The following CFAP97D1 variants were observed in gnomAD, a reference collection of about 807,000 sequenced individuals.
CFAP97D1 encodes sperm axonemal maintenance protein CFAP97D1.
In CFAP97D1, 15 loss-of-function variants were observed where a neutral mutation model predicts 20.5. That is an observed-to-expected ratio of 0.73 (90% confidence interval 0.49 to 1.13). The LOEUF (loss-of-function observed/expected upper bound fraction) is 1.13. Among genes scored for constraint, CFAP97D1 ranks in the 50% most tolerant of loss-of-function variants. The pLI is 0.00. For missense variants in CFAP97D1, 168 were observed against 202.9 expected (o/e 0.83, Z 1.04); for synonymous variants, 58 against 71.2 (o/e 0.82, Z 0.93).
At chr17:43,781,378 C>G (rs972847343) in intron 2 of CFAP97D1, among the ~76,000 whole-genome samples, 189 bp downstream of exon 2, 4 of 149,840 alleles carry the variant, frequency 2.7e-5, no homozygotes, top group Non-Finnish European at 5.9e-5. Flanking sequence ...GCTCTGTTGC[C>G]TAGGCTGGAG....
At position 43,787,088 on chromosome 17, in the gene CFAP97D1, T is replaced by A. The variant is rs1388565690; in HGVS notation, c.*2706T>A. ...TTCAAGCGATTCTCCTGCCTCAGCC[T>A]CCTGAGTAGCTGGGATTACAAGCAT... On this transcript the variant is annotated 3_prime_UTR_variant, in exon 6 of 6. Transcript: ENST00000449302. 1 of 152,176 alleles carries A rather than the reference T, an allele frequency of 6.6e-6. No homozygotes were observed. Among genetic ancestry groups the A allele is most frequent in the Non-Finnish European group, 1.5e-5 (1 of 68,064 alleles). The allele number at this position is 152,176 out of a possible 1,614,324, so 9.4% of individuals were successfully genotyped here.
intron 5 of CFAP97D1, 32 bp downstream of exon 5, chr17:43,783,925 C>T (rs1425508553): frequency 6.6e-7 from 1 of 1,504,888 alleles, no homozygotes; most frequent in Non-Finnish European, 9.0e-7. Flanking sequence ...ACACTGTGAC[C>T]ACAGCTGATA....
rs928922292 is a variant in CFAP97D1 at position 43,786,591 on chromosome 17, G to A, written c.*2209G>A. ...TGTACATATATGTATAGCTCTATGC[G>A]GTTTTTGCCACATGTATAGCTTTGT... On this transcript the variant is annotated 3_prime_UTR_variant, in exon 6 of 6. Transcript: ENST00000449302. 5.3e-5 allele frequency: 8 copies of A among 151,890 alleles called. No individual in the cohort carries two copies. The highest frequency in any genetic ancestry group is 3.9e-4 in the East Asian group (2 of 5,192). 9.4% of individuals were successfully genotyped at this position (151,890 alleles called of 1,614,324 possible). A position where few individuals can be genotyped will look rare whatever the true frequency, so the allele number is the denominator to read the frequency against.
intron 4 of CFAP97D1, among the ~76,000 whole-genome samples, chr17:43,783,516 G>A (rs1384494203): frequency 6.6e-6 from 1 of 151,158 alleles, no homozygotes; most frequent in Non-Finnish European, 1.5e-5. Flanking sequence ...GCCATTATGT[G>A]TCAGTTTCAT....
chr17:43,787,380 C>T lies in CFAP97D1; in HGVS notation c.*2998C>T, dbSNP rs1300178945. On this transcript the variant is annotated 3_prime_UTR_variant, in exon 6 of 6. Transcript: ENST00000449302. The stretch of plus-strand genomic sequence containing the variant: ...CCCAGTCTATAATTTGTCTTTTCAT[C>T]CTCAGGGTCTTTGACAGAGTAAAAT... The T allele has an allele frequency of 6.6e-6, 1 of 152,188 alleles. No individual in the cohort carries two copies. Among genetic ancestry groups the T allele is most frequent in the African/African-American group, 2.4e-5 (1 of 41,436 alleles). The allele number at this position is 152,188 out of a possible 1,614,324, so 9.4% of individuals were successfully genotyped here.
intron 5 of CFAP97D1, among the ~76,000 whole-genome samples, 164 bp from the exon 6 acceptor site, chr17:43,784,219 T>A (rs2044274743): frequency 1.3e-5 from 2 of 152,228 alleles, no homozygotes; most frequent in African/African-American, 4.8e-5. Context: ...CTGTCAGTAT[T>A]CAAAAGTACC....
At position 43,783,250 on chromosome 17, in the gene CFAP97D1, C is replaced by G; in HGVS notation, c.385C>G (p.Leu129Val). ...GGAAAACCAGGGCATTCTGAAGAGG[C>G]TTGTTGATCGCAAACCCCACTATGA... ...TMENQGILKR[L>V]VDRKPHYDRR... The change falls in exon 4 of 6, where the codon CTT becomes GTT. Residue 129 changes from leucine (L) to valine (V), a missense_variant. Transcript: ENST00000449302. 1 of 1,551,454 alleles carries G rather than the reference C, an allele frequency of 6.4e-7. No homozygotes were observed. Among genetic ancestry groups the G allele is most frequent in the Non-Finnish European group, 8.7e-7 (1 of 1,146,850 alleles).
At chr17:43,781,019 A>G (rs1974466970) in intron 1 of CFAP97D1, 100 bp from the exon 2 acceptor site, 3 of 866,666 alleles carry the variant, frequency 3.5e-6, no homozygotes, top group Admixed American at 5.2e-5. Context: ...CTAATTCGAA[A>G]TTGTTCATTA....
At chr17:43,783,053 G>T in intron 3 of CFAP97D1, 127 bp from the exon 4 acceptor site, 1 of 1,184,772 alleles carries the variant, frequency 8.4e-7, no homozygotes, top group Non-Finnish European at 1.2e-6. Flanking sequence ...GGGCCTGTGG[G>T]CTCAGCAGGA....
intron 1 of CFAP97D1, 131 bp downstream of exon 1, chr17:43,780,717 G>T: frequency 2.1e-6 from 2 of 973,006 alleles, no homozygotes; most frequent in Non-Finnish European, 3.0e-6. Flanking sequence ...GTTTGGGGAA[G>T]AGGGCATTAG....
At chr17:43,783,695 G>A in intron 4 of CFAP97D1, 142 bp from the exon 5 acceptor site, 1 of 669,714 alleles carries the variant, frequency 1.5e-6, no homozygotes, top group Non-Finnish European at 2.6e-6. Flanking sequence ...CCAGGGGAGG[G>A]GAAACCATCT....
rs2044300751 is a variant in CFAP97D1 at position 43,787,610 on chromosome 17, C to T, written c.*3228C>T. 1 of 152,018 alleles carries T rather than the reference C, an allele frequency of 6.6e-6. No homozygotes were observed. The highest frequency in any genetic ancestry group is 2.4e-5 in the African/African-American group (1 of 41,370). The allele number at this position is 152,018 out of a possible 1,614,324, so 9.4% of individuals were successfully genotyped here. On this transcript the variant is annotated 3_prime_UTR_variant, in exon 6 of 6. Transcript: ENST00000449302. ...TATACAATTATCTCAAAATAAAAAG[C>T]TTAAAAAAAACAACATGCCTAAATA...
In CFAP97D1 at chr17:43,784,797, C is replaced by T. The variant is rs2044281240; in HGVS notation, c.*415C>T. On this transcript the variant is annotated 3_prime_UTR_variant, in exon 6 of 6. Transcript: ENST00000449302. ...GTTCAGAAAACACAAGGAACAAATG[C>T]CATTAGTTCCTCTGTGAATACACAC... 1.3e-5 allele frequency: 2 copies of T among 152,250 alleles called. No homozygotes were observed. Among genetic ancestry groups the T allele is most frequent in the South Asian group, 2.1e-4 (1 of 4,816 alleles). The allele number at this position is 152,250 out of a possible 1,614,324, so 9.4% of individuals were successfully genotyped here.
chr17:43,783,163 G>A lies in CFAP97D1; in HGVS notation c.315-17G>A. The A allele has an allele frequency of 1.3e-6, 2 of 1,551,432 alleles. No homozygotes were observed. Among genetic ancestry groups the A allele is most frequent in the Non-Finnish European group, 1.7e-6 (2 of 1,146,910 alleles). ...GCATTTCCTTCTTCACCCATTTCGG[G>A]GTTTTGTGTTTTTCAGCTTAAACAG... On this transcript the variant is annotated splice_polypyrimidine_tract_variant and intron_variant, in intron 3 of 5. Transcript: ENST00000449302.
chr17:43,782,473 CAGGCATCTGTTCCAT>C (rs1464719816), intron 3 of CFAP97D1, among the ~76,000 whole-genome samples: 1 of 152,178 alleles, frequency 6.6e-6, no homozygotes, highest in East Asian at 1.9e-4. Flanking sequence ...TTGGGGGACA[CAGGCATCTGTTCCAT>C]AGCACCATGG....
intron 4 of CFAP97D1, among the ~76,000 whole-genome samples, 158 bp downstream of exon 4, chr17:43,783,461 A>T (rs538306364): frequency 6.6e-6 from 1 of 152,228 alleles, no homozygotes; most frequent in Non-Finnish European, 1.5e-5. Flanking sequence ...CAAAGCTAAC[A>T]GGCACAAACC....
chr17:43,784,168 C>T (rs1416205717), intron 5 of CFAP97D1, among the ~76,000 whole-genome samples: 1 of 152,162 alleles, frequency 6.6e-6, no homozygotes, highest in Non-Finnish European at 1.5e-5. Flanking sequence ...AACTGGAAGA[C>T]CTGTGGCTTT....
At chr17:43,781,221 A>G (rs938254127) in intron 2 of CFAP97D1, 32 bp downstream of exon 2, 7 of 1,504,798 alleles carry the variant, frequency 4.7e-6, no homozygotes, top group African/African-American at 1.4e-5. Context: ...AGATGTGCAG[A>G]TGTATTTTAT....
rs2044280291 is a variant in CFAP97D1, at chr17:43,784,784, C to G, written c.*402C>G. 6.6e-6 allele frequency: 1 copy of G among 152,202 alleles called. No individual in the cohort carries two copies. The highest frequency in any genetic ancestry group is 2.1e-4 in the South Asian group (1 of 4,834). The allele number at this position is 152,202 out of a possible 1,614,324, so 9.4% of individuals were successfully genotyped here. A position where few individuals can be genotyped will look rare whatever the true frequency, so the allele number is the denominator to read the frequency against. On this transcript the variant is annotated 3_prime_UTR_variant, in exon 6 of 6. Transcript: ENST00000449302. ...TGACAACATCAAGGTTCAGAAAACACAAGGAACAAATGCCATTAGTTCCTC... is the reference window on the plus strand; with the variant it reads ...TGACAACATCAAGGTTCAGAAAACAGAAGGAACAAATGCCATTAGTTCCTC...
Sources: allele counts gnomAD v4.1 joint callset (sites outside exome capture counted in the v4.1 genomes callset), GRCh38; gene constraint gnomAD v4.1.1; transcripts MANE v1.5; gene names NCBI Gene and HGNC (gene_info 2026-07-23, HGNC 2026-07-21).